Variants in SOX6 observed in about 807,000 individuals in gnomAD.
SOX6 encodes the protein SRY-box transcription factor 6, also known as transcription factor SOX-6.
In SOX6, 11 loss-of-function variants were observed where a neutral mutation model predicts 97.8. That is an observed-to-expected ratio of 0.11 (90% CI 0.07 to 0.19). The LOEUF is 0.19. SOX6 is among the 10% of genes least tolerant of loss of function. The pLI is 1.00. For synonymous variants in SOX6, 360 were observed against 371.4 expected (o/e 0.97, Z 0.35); for missense variants, 810 against 1,039.5 (o/e 0.78, Z 3.04).
chr11:16,225,645 A>G (rs2134163558), intron 4 of SOX6, among the ~76,000 whole-genome samples: 1 of 152,304 alleles, frequency 6.6e-6, no homozygotes. Flanking sequence ...TTCTATGGGA[A>G]TGCTGTTAGA....
chr11:16,263,532 A>G (rs1853966419), intron 3 of SOX6, among the ~76,000 whole-genome samples: 1 of 151,976 alleles, frequency 6.6e-6, no homozygotes, highest in East Asian at 1.9e-4. Context: ...AGGATAATCC[A>G]TAGTACCTGA....
intron 12 of SOX6, among the ~76,000 whole-genome samples, chr11:16,026,465 C>T (rs977304566): frequency 6.6e-6 from 1 of 152,152 alleles, no homozygotes; most frequent in African/African-American, 2.4e-5. Flanking sequence ...AGAGGGAACA[C>T]ATTTTCATCT....
At chr11:16,688,325 A>C (rs1847984692) in intron 3 of SOX6, among the ~76,000 whole-genome samples, 1 of 151,918 alleles carries the variant, frequency 6.6e-6, no homozygotes, top group South Asian at 2.1e-4. Flanking sequence ...GATTTTTAAC[A>C]AATCTGAAAA....
intron 3 of SOX6, among the ~76,000 whole-genome samples, chr11:16,644,457 GGAAAATTTTT>G (rs1395192189): frequency 6.6e-6 from 1 of 152,082 alleles, no homozygotes; most frequent in Non-Finnish European, 1.5e-5. Flanking sequence ...ACAATAAACA[GGAAAATTTTT>G]GCAGCAGTCT....
intron 2 of SOX6, among the ~76,000 whole-genome samples, chr11:16,728,508 C>T (rs1848324470): frequency 6.6e-6 from 1 of 152,188 alleles, no homozygotes; most frequent in South Asian, 2.1e-4. Context: ...AGAAGGAAAA[C>T]TAACAAACAG....
chr11:16,684,924 G>A lies in SOX6; in HGVS notation n.429+29906C>T, dbSNP rs988240412. ...CCCCACGAGCTTTTACTTATGGCAG[G>A]TGAAGCGGTACCAGACGTGTCACAT... is the stretch of plus-strand genomic sequence containing the variant. On this transcript the variant is annotated intron_variant and non_coding_transcript_variant, in intron 3 of 5. Transcript: ENST00000524520. 3.9e-5 allele frequency among the ~76,000 whole-genome samples: 6 copies of A among 152,014 alleles called. No individual in the cohort carries two copies. The South Asian group carries it at 6.2e-4, about 16-fold the overall frequency.
intron 4 of SOX6, among the ~76,000 whole-genome samples, chr11:16,597,132 T>A (rs2133975567): frequency 6.6e-6 from 1 of 152,202 alleles, no homozygotes; most frequent in South Asian, 2.1e-4. Context: ...CTACTCCACA[T>A]ACCTTTTATT....
At chr11:16,236,794 C>T (rs548566247) in intron 3 of SOX6, among the ~76,000 whole-genome samples, 18 of 152,000 alleles carry the variant, frequency 1.2e-4, no homozygotes, top group African/African-American at 4.1e-4. Flanking sequence ...GCTAAAACTT[C>T]ATGGGAGAAA....
Position 16,102,218 on chromosome 11 carries a change from C to T in SOX6, c.899-4530G>A, listed in dbSNP as rs559214435. Among the ~76,000 whole-genome samples, 30 of 151,980 alleles carry T rather than the reference C, an allele frequency of 2.0e-4. 1 individual carries two copies. Among genetic ancestry groups the T allele is most frequent in the Admixed American group, 7.9e-4 (12 of 15,206 alleles). On this transcript the variant is annotated intron_variant, in intron 7 of 15. Transcript: ENST00000683767. ...AAAATTAATGTACACAACGTAGTGGCTCTGCTATACACCAACAGTGACCAA... is the reference window on the plus strand; with the variant it reads ...AAAATTAATGTACACAACGTAGTGGTTCTGCTATACACCAACAGTGACCAA...
At chr11:16,159,641 T>C (rs1850692629) in intron 6 of SOX6, among the ~76,000 whole-genome samples, 1 of 152,136 alleles carries the variant, frequency 6.6e-6, no homozygotes, top group Non-Finnish European at 1.5e-5. Flanking sequence ...CACACAACTT[T>C]GGAATCTTTT....
chr11:16,389,433 C>T (rs1424865478), intron 1 of SOX6, among the ~76,000 whole-genome samples: 1 of 152,160 alleles, frequency 6.6e-6, no homozygotes, highest in Non-Finnish European at 1.5e-5. Context: ...TTCAGTTTCA[C>T]TGTCATCTCT....
chr11:15,974,391 T>A, intron 15 of SOX6, among the ~76,000 whole-genome samples: 1 of 145,600 alleles, frequency 6.9e-6, no homozygotes, highest in African/African-American at 2.5e-5. Flanking sequence ...TTTTTTTTTT[T>A]TTTTTTTTTT....
At chr11:16,623,000 A>C (rs1438329921) in intron 3 of SOX6, among the ~76,000 whole-genome samples, 3 of 151,838 alleles carry the variant, frequency 2.0e-5, no homozygotes, top group Non-Finnish European at 4.4e-5. Context: ...GTTTTGATTT[A>C]CATTTCCCTG....
intron 12 of SOX6, among the ~76,000 whole-genome samples, chr11:16,016,197 G>A (rs181718871): frequency 6.6e-6 from 1 of 152,124 alleles, no homozygotes; most frequent in African/African-American, 2.4e-5. Context: ...CATTTGTACA[G>A]CCTGACTACA....
chr11:16,122,326 C>T (rs1042412296), intron 6 of SOX6, among the ~76,000 whole-genome samples: 2 of 151,912 alleles, frequency 1.3e-5, no homozygotes, highest in African/African-American at 4.8e-5. Context: ...TTTCCTATTC[C>T]ACCCTGTCTT....
At chr11:16,493,807 G>C (rs929316430) in intron 4 of SOX6, among the ~76,000 whole-genome samples, 1 of 152,142 alleles carries the variant, frequency 6.6e-6, no homozygotes, top group African/African-American at 2.4e-5. Context: ...AAACATTATT[G>C]TTAGGAGTAC....
intron 1 of SOX6, among the ~76,000 whole-genome samples, chr11:16,344,307 G>T (rs1220506684): frequency 6.6e-6 from 1 of 151,740 alleles, no homozygotes; most frequent in Non-Finnish European, 1.5e-5. Context: ...TGCACAAATT[G>T]TTTTTAATGC....
chr11:16,591,048 T>G (rs900107764), intron 4 of SOX6, among the ~76,000 whole-genome samples: 2 of 152,102 alleles, frequency 1.3e-5, no homozygotes, highest in African/African-American at 4.8e-5. Context: ...AAATATCTCA[T>G]GTACCATATA....
chr11:16,699,202 T>C (rs1848075206), intron 3 of SOX6, among the ~76,000 whole-genome samples: 1 of 152,242 alleles, frequency 6.6e-6, no homozygotes, highest in South Asian at 2.1e-4. Context: ...AGCATATATT[T>C]TCTCATTTAT....
Sources: allele counts gnomAD v4.1 joint callset (sites outside exome capture counted in the v4.1 genomes callset), GRCh38; gene constraint gnomAD v4.1.1; transcripts MANE v1.5; gene names NCBI Gene and HGNC (gene_info 2026-07-23, HGNC 2026-07-21).